The following GTF2A1 variants were observed in gnomAD, a reference collection of about 807,000 sequenced individuals.
GTF2A1 encodes the protein general transcription factor IIA subunit 1.
GTF2A1 carries 12 observed loss-of-function variants against 54.1 expected under a neutral mutation model. The observed-to-expected ratio is 0.22, with a 90% CI of 0.14 to 0.36. The LOEUF is 0.36. GTF2A1 is among the 10% of genes least tolerant of loss of function. The pLI, the probability that GTF2A1 is intolerant of heterozygous loss-of-function variation, is 1.00. For missense variants in GTF2A1, 335 were observed against 442.2 expected, an observed-to-expected ratio of 0.76 and a Z score of 2.17; for synonymous variants, 145 against 152.0, an observed-to-expected ratio of 0.95 and a Z score of 0.34.
chr14:81,206,773 C>T (rs1331135744), intron 2 of GTF2A1, among the ~76,000 whole-genome samples: 1 of 152,074 alleles, frequency 6.6e-6, no homozygotes, highest in East Asian at 1.9e-4. Context: ...CTCTCCTTCT[C>T]TCCCTTTCCT....
chr14:81,200,586 C>T (rs1893083237), intron 4 of GTF2A1, among the ~76,000 whole-genome samples: 3 of 149,768 alleles, frequency 2.0e-5, no homozygotes, highest in Admixed American at 2.0e-4. Flanking sequence ...AAGATCACAC[C>T]ACTGCACTCC....
intron 1 of GTF2A1, among the ~76,000 whole-genome samples, chr14:81,216,820 T>C (rs1223794379): frequency 6.6e-6 from 1 of 152,234 alleles, no homozygotes; most frequent in Non-Finnish European, 1.5e-5. Context: ...GCTTTACGGG[T>C]TGCTTATGTC....
At chr14:81,215,887 T>C (rs1379592574) in intron 2 of GTF2A1, among the ~76,000 whole-genome samples, 1 of 152,096 alleles carries the variant, frequency 6.6e-6, no homozygotes, top group Non-Finnish European at 1.5e-5. Flanking sequence ...ATACAAAAAT[T>C]AGCCAGGCAT....
intron 4 of GTF2A1, among the ~76,000 whole-genome samples, chr14:81,199,287 TGA>T (rs2140159514): frequency 6.6e-6 from 1 of 152,322 alleles, no homozygotes; most frequent in African/African-American, 2.4e-5. Context: ...ATATATTTGC[TGA>T]GTCATGTACC....
In GTF2A1 at chr14:81,178,732, A is replaced by C. The variant is rs1892580193; in HGVS notation, c.*1491T>G. 1 of 152,252 alleles carries C rather than the reference A, an allele frequency of 6.6e-6. No individual in the cohort carries two copies. Among genetic ancestry groups the C allele is most frequent in the African/African-American group, 2.4e-5 (1 of 41,470 alleles). The allele number at this position is 152,252 out of a possible 1,614,324, so 9.4% of individuals were successfully genotyped here. A position where few individuals can be genotyped will look rare whatever the true frequency, so the allele number is the denominator to read the frequency against. On this transcript the variant is annotated 3_prime_UTR_variant, in exon 9 of 9. Transcript: ENST00000553612. ...GTTACTTCTGAAAACACAAAGGCAA[A>C]AGGAAGACAAAAACTGAAGATTAAA...
chr14:81,195,876 C>T (rs1329980960), intron 6 of GTF2A1, among the ~76,000 whole-genome samples: 1 of 152,048 alleles, frequency 6.6e-6, no homozygotes, highest in African/African-American at 2.4e-5. Flanking sequence ...AAGGAGAGTG[C>T]TGCCACCTTC....
At chr14:81,189,139 T>C (rs1892816051) in intron 7 of GTF2A1, among the ~76,000 whole-genome samples, 1 of 152,178 alleles carries the variant, frequency 6.6e-6, no homozygotes, top group Non-Finnish European at 1.5e-5. Flanking sequence ...ACAAAGCTGG[T>C]ACAGCTCTAA....
At chr14:81,184,286 A>G (rs1241747922) in intron 8 of GTF2A1, among the ~76,000 whole-genome samples, 2 of 152,182 alleles carry the variant, frequency 1.3e-5, no homozygotes, top group East Asian at 3.8e-4. Context: ...TGTGTTCTGG[A>G]TAATTTGGTT....
At chr14:81,189,526 C>G (rs1892827644) in intron 7 of GTF2A1, among the ~76,000 whole-genome samples, 1 of 152,058 alleles carries the variant, frequency 6.6e-6, no homozygotes, top group Non-Finnish European at 1.5e-5. Flanking sequence ...AAAAAATTAG[C>G]CGGGCGAGGT....
chr14:81,212,552 C>A (rs931161668), intron 2 of GTF2A1, among the ~76,000 whole-genome samples: 6 of 152,188 alleles, frequency 3.9e-5, no homozygotes, highest in African/African-American at 1.4e-4. Context: ...TCTCATCATT[C>A]ATCTTTGTTC....
chr14:81,186,779 C>A (rs574769800), intron 7 of GTF2A1, among the ~76,000 whole-genome samples: 1 of 151,878 alleles, frequency 6.6e-6, no homozygotes, highest in South Asian at 2.1e-4. Flanking sequence ...TGAGATGCCA[C>A]CTCTACAAAA....
chr14:81,194,895 C>A (rs12879576), intron 6 of GTF2A1, among the ~76,000 whole-genome samples: 15,801 of 152,206 alleles, frequency 0.1, 924 homozygotes, highest in Middle Eastern at 0.18. Flanking sequence ...ATAATCCCAG[C>A]ACTTTGGGAG....
At position 81,220,815 on chromosome 14, in the gene GTF2A1, A is replaced by G. The variant is rs960913188; in HGVS notation, c.-297T>C. Reference sequence around the variant, plus strand: ...TCCCCACCCCGCGCCAAGGAGGGAAACCACCACCGGTCACCGCTCCCTGCG... The same window carrying G: ...TCCCCACCCCGCGCCAAGGAGGGAAGCCACCACCGGTCACCGCTCCCTGCG... On this transcript the variant is annotated 5_prime_UTR_variant, in exon 1 of 9. Transcript: ENST00000553612. 1 of 324,788 alleles carries G rather than the reference A, an allele frequency of 3.1e-6. No homozygotes were observed. The highest frequency in any genetic ancestry group is 5.6e-6 in the Non-Finnish European group (1 of 179,294). 20.1% of individuals were successfully genotyped at this position (324,788 alleles called of 1,614,324 possible).
At chr14:81,192,136 A>G (rs1892888279) in intron 7 of GTF2A1, among the ~76,000 whole-genome samples, 1 of 152,100 alleles carries the variant, frequency 6.6e-6, no homozygotes, top group Admixed American at 6.6e-5. Flanking sequence ...TCTCTCCCCA[A>G]ATGTTGCCAC....
At chr14:81,212,418 C>G (rs1475683234) in intron 2 of GTF2A1, among the ~76,000 whole-genome samples, 1 of 152,138 alleles carries the variant, frequency 6.6e-6, no homozygotes, top group Non-Finnish European at 1.5e-5. Flanking sequence ...GTTTTTTCTA[C>G]CTCTCACAGT....
intron 7 of GTF2A1, among the ~76,000 whole-genome samples, chr14:81,190,145 T>C (rs1892844905): frequency 6.6e-6 from 1 of 151,456 alleles, no homozygotes; most frequent in African/African-American, 2.4e-5. Context: ...CCTAGAAAAA[T>C]ATAACTTATC....
chr14:81,206,781 CCTTT>C (rs936946039), intron 2 of GTF2A1, among the ~76,000 whole-genome samples: 10 of 152,036 alleles, frequency 6.6e-5, no homozygotes, highest in South Asian at 2.1e-4. Context: ...CTCTCCCTTT[CCTTT>C]CTTTCTCTCT....
intron 7 of GTF2A1, among the ~76,000 whole-genome samples, chr14:81,189,192 A>G (rs1892817565): frequency 6.6e-6 from 1 of 152,250 alleles, no homozygotes; most frequent in East Asian, 1.9e-4. Context: ...AAAATTTACT[A>G]GCAATAACTT....
At chr14:81,191,601 G>A (rs942432102) in intron 7 of GTF2A1, among the ~76,000 whole-genome samples, 1 of 152,028 alleles carries the variant, frequency 6.6e-6, no homozygotes, top group African/African-American at 2.4e-5. Context: ...TAAACAATAT[G>A]CTATTTAGGA....
Sources: gnomAD v4.1 joint callset for allele counts (sites outside exome capture counted in the v4.1 genomes callset) on GRCh38, gnomAD v4.1.1 for gene constraint, MANE v1.5 for transcripts, NCBI Gene and HGNC (gene_info 2026-07-23, HGNC 2026-07-21) for gene names.